Variants in NCOR1 observed in about 807,000 individuals in gnomAD.
NCOR1 encodes protein phosphatase 1, regulatory subunit 109.
A neutral mutation model predicts 288.1 loss-of-function variants in NCOR1; 63 were observed. The observed-to-expected ratio is 0.22, with a 90% CI of 0.18 to 0.27. The LOEUF (loss-of-function observed/expected upper bound fraction) is 0.27, where lower values mean the gene tolerates loss of function less well. Among genes scored for constraint, NCOR1 ranks in the 10% least tolerant of loss-of-function variants. The pLI is 1.00. For missense variants in NCOR1, 2,397 were observed against 3,019.2 expected (o/e 0.79, Z 4.83); for synonymous variants, 1,007 against 1,065.9 (o/e 0.94, Z 1.08).
chr17:16,139,240 A>G (rs1599270014), intron 11 of NCOR1, 54 bp from the exon 12 acceptor site: 1 of 1,490,304 alleles, frequency 6.7e-7, no homozygotes, highest in Non-Finnish European at 9.2e-7. Context: ...AAATTTAAGG[A>G]GGGCCATGGA....
At chr17:16,057,289 G>T in intron 40 of NCOR1, 1 of 537,194 alleles carries the variant, frequency 1.9e-6, no homozygotes, top group Non-Finnish European at 3.3e-6. Context: ...CCAACAAATA[G>T]AATATAATCA....
At chr17:16,052,775 C>T (rs982690376) in intron 40 of NCOR1, among the ~76,000 whole-genome samples, 1 of 152,160 alleles carries the variant, frequency 6.6e-6, no homozygotes, top group Admixed American at 6.5e-5. Flanking sequence ...GATACCAAAA[C>T]TTGGCAGAGA....
intron 15 of NCOR1, among the ~76,000 whole-genome samples, chr17:16,122,002 G>A (rs569476196): frequency 7.0e-4 from 106 of 152,262 alleles, no homozygotes; most frequent in Middle Eastern, 6.8e-3. Flanking sequence ...CAGGACTGAA[G>A]GAGTTAAATA....
At chr17:16,128,890 T>C (rs2075172542) in intron 14 of NCOR1, among the ~76,000 whole-genome samples, 4 of 152,138 alleles carry the variant, frequency 2.6e-5, no homozygotes, top group Admixed American at 2.6e-4. Context: ...AAGAAGAAAA[T>C]GAATCCTTCT....
Position 16,064,956 on chromosome 17 carries a change from G to A in NCOR1, c.5015C>T (p.Thr1672Ile). 6.2e-7 allele frequency: 1 copy of A among 1,613,852 alleles called. No homozygotes were observed. The highest frequency in any genetic ancestry group is 8.5e-7 in the Non-Finnish European group (1 of 1,179,754). Residue 1672 changes from threonine to isoleucine, a missense_variant, in exon 34 of 46, where the codon ACT (threonine) becomes ATT (isoleucine). Around this residue, in one of 11 missense-constraint regions of NCOR1, gnomAD observed 1,872 missense variants for 2,187.8 expected, o/e 0.86. Transcript: ENST00000268712. Reference sequence around the variant, plus strand: ...ATAAGTGATTCTGTCCATGGGAGGAGTGCTTGTTCCCCCTGGATGAGGCAC... The same window carrying A: ...ATAAGTGATTCTGTCCATGGGAGGAATGCTTGTTCCCCCTGGATGAGGCAC... The part of the protein sequence containing the change: ...ILVPHPGGTS[T>I]PPMDRITYIP...
intron 1 of NCOR1, among the ~76,000 whole-genome samples, chr17:16,211,407 A>AT (rs1457194828): frequency 6.6e-6 from 1 of 151,600 alleles, no homozygotes; most frequent in Non-Finnish European, 1.5e-5. Context: ...TAATTTTTCA[A>AT]TTTTTTTGTA....
intron 18 of NCOR1, among the ~76,000 whole-genome samples, chr17:16,113,765 C>A (rs564881871): frequency 6.6e-6 from 1 of 151,948 alleles, no homozygotes; most frequent in East Asian, 1.9e-4. Context: ...TAGCGGCGTG[C>A]GCCTGTAATC....
Position 16,195,906 on chromosome 17 carries a change from T to C in NCOR1, c.-70-1267A>G, listed in dbSNP as rs191061446. On this transcript the variant is annotated intron_variant, in intron 1 of 45. Transcript: ENST00000268712. ...TTATGTTATACATAATTAATATGTA[T>C]TTTACATACATATGATAGAGAATAT... 1.9e-4 allele frequency among the ~76,000 whole-genome samples: 29 copies of C among 152,222 alleles called. No individual in the cohort carries two copies. In the East Asian group the frequency reaches 5.2e-3, roughly 27 times the overall value.
intron 42 of NCOR1, among the ~76,000 whole-genome samples, chr17:16,046,112 GGTTA>G (rs1458561067): frequency 4.6e-5 from 7 of 152,096 alleles, no homozygotes; most frequent in African/African-American, 2.4e-5. Flanking sequence ...ATTTTTACAC[GGTTA>G]GTTTATCAGA....
intron 2 of NCOR1, among the ~76,000 whole-genome samples, chr17:16,193,862 T>G (rs115348811): frequency 0.039 from 5,801 of 150,534 alleles, 378 homozygotes; most frequent in African/African-American, 0.13. Flanking sequence ...TCTGCTTTCT[T>G]AGTCTCTGAG....
chr17:16,186,792 A>G, intron 2 of NCOR1, 105 bp from the exon 3 acceptor site: 3 of 955,604 alleles, frequency 3.1e-6, no homozygotes, highest in Admixed American at 4.5e-5. Context: ...TATGGAAAGA[A>G]AGAGCAATGA....
chr17:16,098,099 G>C (rs1019459795), intron 21 of NCOR1, among the ~76,000 whole-genome samples: 1 of 152,218 alleles, frequency 6.6e-6, no homozygotes, highest in Admixed American at 6.5e-5. Flanking sequence ...CCAGTGGCAA[G>C]CGGCAGGAGG....
At chr17:16,111,635 A>T (rs1190679888) in intron 18 of NCOR1, among the ~76,000 whole-genome samples, 1 of 151,402 alleles carries the variant, frequency 6.6e-6, no homozygotes, top group Non-Finnish European at 1.5e-5. Flanking sequence ...TAAAATTAAA[A>T]AAAAAAAGAA....
chr17:16,094,704 G>A (rs994915868), intron 21 of NCOR1, among the ~76,000 whole-genome samples: 1 of 152,158 alleles, frequency 6.6e-6, no homozygotes, highest in Non-Finnish European at 1.5e-5. Context: ...GCCTGCGATT[G>A]CAGGCGCGCG....
chr17:16,076,523 G>A (rs1341001584), intron 26 of NCOR1, among the ~76,000 whole-genome samples: 4 of 152,186 alleles, frequency 2.6e-5, no homozygotes, highest in Non-Finnish European at 4.4e-5. Context: ...AGAACTCAAC[G>A]TCAACCATTC....
chr17:16,169,097 G>C (rs964546348), intron 4 of NCOR1, among the ~76,000 whole-genome samples: 1 of 152,072 alleles, frequency 6.6e-6, no homozygotes, highest in African/African-American at 2.4e-5. Context: ...ATACTAAGTA[G>C]CCACTAACAA....
At chr17:16,112,780 C>A (rs545309111) in intron 18 of NCOR1, among the ~76,000 whole-genome samples, 1 of 152,292 alleles carries the variant, frequency 6.6e-6, no homozygotes, top group Non-Finnish European at 1.5e-5. Flanking sequence ...TGAGCCACTG[C>A]ACCTGGCCAA....
At chr17:16,125,316 T>A (rs1009842140) in intron 15 of NCOR1, among the ~76,000 whole-genome samples, 8 of 152,102 alleles carry the variant, frequency 5.3e-5, no homozygotes, top group African/African-American at 1.9e-4. Context: ...TGAGCCAAGA[T>A]TGCGCCACTG....
intron 14 of NCOR1, among the ~76,000 whole-genome samples, chr17:16,130,140 T>C (rs566211621): frequency 6.6e-6 from 1 of 152,306 alleles, no homozygotes. Flanking sequence ...CTCTGTATAC[T>C]GACCAGGCAG....
Sources: allele counts gnomAD v4.1 joint callset (sites outside exome capture counted in the v4.1 genomes callset), GRCh38; gene constraint gnomAD v4.1.1; regional missense constraint gnomAD v4.1.1; transcripts MANE v1.5; gene names NCBI Gene and HGNC (gene_info 2026-07-23, HGNC 2026-07-21).